Variants in FSTL5 observed in about 807,000 individuals in gnomAD.
FSTL5 encodes the protein follistatin-related protein 5.
A neutral mutation model predicts 89.1 loss-of-function variants in FSTL5; 62 were observed. That is an observed-to-expected ratio of 0.70 (90% CI 0.57 to 0.86). The LOEUF is 0.86. Among genes scored for constraint, FSTL5 ranks in the 40% least tolerant of loss-of-function variants. The pLI is 0.00. For synonymous variants in FSTL5, 383 were observed against 346.2 expected, an observed-to-expected ratio of 1.11 and a Z score of -1.18; for missense variants, 1,057 against 1,001.6, an observed-to-expected ratio of 1.06 and a Z score of -0.75.
intron 3 of FSTL5, among the ~76,000 whole-genome samples, chr4:161,957,703 T>G (rs1163621411): frequency 6.6e-6 from 1 of 152,104 alleles, no homozygotes; most frequent in Non-Finnish European, 1.5e-5. Flanking sequence ...TCATTCTTCT[T>G]TTTGTTTTAA....
chr4:161,476,173 G>GTTTTTT (rs1231231673), intron 13 of FSTL5, among the ~76,000 whole-genome samples: 1,606 of 80,374 alleles, frequency 0.02, 62 homozygotes, highest in African/African-American at 0.039. Context: ...AAGTTTGCTG[G>GTTTTTT]TTTTTTTTTT....
At chr4:161,891,754 A>G (rs1007980561) in intron 4 of FSTL5, among the ~76,000 whole-genome samples, 2 of 151,960 alleles carry the variant, frequency 1.3e-5, no homozygotes, top group Non-Finnish European at 2.9e-5. Flanking sequence ...TTGGAATCTC[A>G]TTATGTCCAA....
In FSTL5 at chr4:161,783,732, T is replaced by TTTTC. The variant is rs146247881; in HGVS notation, c.410-7662_410-7659dup. Reference sequence around the variant, plus strand: ...CTTTCTTTCTTTCTTTCTTCTTTTCTTTTCTTTCTTTCTTTCTTTCTTTCT... The same window carrying TTTTC: ...CTTTCTTTCTTTCTTTCTTCTTTTCTTTTCTTTCTTTCTTTCTTTCTTTCTTTCT... On this transcript the variant is annotated intron_variant, in intron 4 of 15. Transcript: ENST00000306100. Among the ~76,000 whole-genome samples, 14 of 14,550 alleles carry TTTTC rather than the reference T, an allele frequency of 9.6e-4. 3 individuals are homozygous for TTTTC. Among genetic ancestry groups the TTTTC allele is most frequent in the African/African-American group, 3.1e-3 (14 of 4,526 alleles). 9.5% of individuals were successfully genotyped at this position (14,550 alleles called of 152,430 possible). A position where few individuals can be genotyped will look rare whatever the true frequency, so the allele number is the denominator to read the frequency against.
intron 1 of FSTL5, among the ~76,000 whole-genome samples, chr4:162,162,213 T>C (rs1179277231): frequency 6.6e-6 from 1 of 152,138 alleles, no homozygotes; most frequent in Non-Finnish European, 1.5e-5. Flanking sequence ...AATCATAAAA[T>C]TCTAAAGCTA....
intron 4 of FSTL5, among the ~76,000 whole-genome samples, chr4:161,867,286 CTCTT>C (rs1278719362): frequency 2.0e-5 from 3 of 151,928 alleles, no homozygotes; most frequent in Admixed American, 2.0e-4. Context: ...ACTATATACT[CTCTT>C]AAAGTTAATG....
At chr4:161,787,873 G>T (rs1008787152) in intron 4 of FSTL5, among the ~76,000 whole-genome samples, 1 of 152,134 alleles carries the variant, frequency 6.6e-6, no homozygotes, top group African/African-American at 2.4e-5. Context: ...CTTGTACTAT[G>T]AATAGTTGCT....
chr4:162,116,247 T>C (rs1731632263), intron 1 of FSTL5, among the ~76,000 whole-genome samples: 1 of 152,176 alleles, frequency 6.6e-6, no homozygotes, highest in African/African-American at 2.4e-5. Context: ...CTGCAGCTAG[T>C]GCCTTAAGAG....
chr4:161,910,341 T>A lies in FSTL5; in HGVS notation c.409+10063A>T, dbSNP rs535617754. Among the ~76,000 whole-genome samples the A allele has an allele frequency of 7.1e-4, 108 of 152,270 alleles. 3 individuals are homozygous for A. In the South Asian group the frequency reaches 0.019, roughly 27 times the overall value. On this transcript the variant is annotated intron_variant, in intron 4 of 15. Transcript: ENST00000306100. The stretch of plus-strand genomic sequence containing the variant: ...CTTAACTATACAGTCCCTTGGCATT[T>A]TCTCTTTATTGTCATACTTATAGCT...
intron 15 of FSTL5, among the ~76,000 whole-genome samples, chr4:161,448,307 T>C (rs572162156): frequency 1.3e-5 from 2 of 152,290 alleles, no homozygotes; most frequent in East Asian, 3.9e-4. Context: ...CTAAATGCCA[T>C]GGAACAGCAG....
intron 1 of FSTL5, among the ~76,000 whole-genome samples, chr4:162,126,744 T>G (rs535565811): frequency 9.2e-5 from 14 of 152,364 alleles, no homozygotes; most frequent in Non-Finnish European, 1.6e-4. Context: ...TTGGGCATTA[T>G]GCATTTTTAA....
intron 3 of FSTL5, among the ~76,000 whole-genome samples, chr4:162,015,054 G>A (rs1736878374): frequency 6.6e-6 from 1 of 152,098 alleles, no homozygotes; most frequent in South Asian, 2.1e-4. Context: ...ATCAATGGCT[G>A]GATAAATTTA....
Position 162,072,222 on chromosome 4 carries a change from T to A in FSTL5, c.127-38564A>T, listed in dbSNP as rs555902931. Among the ~76,000 whole-genome samples, 336 of 151,950 alleles carry A rather than the reference T, an allele frequency of 2.2e-3. 2 individuals carry two copies. Among genetic ancestry groups the A allele is most frequent in the African/African-American group, 7.7e-3 (320 of 41,510 alleles). On this transcript the variant is annotated intron_variant, in intron 2 of 15. Coordinates refer to ENST00000306100, the MANE Select transcript of FSTL5 (RefSeq NM_020116.5). ...TAATACACAGTTAATAAGGAACATC[T>A]AATCAGAGTTCATAATTTTCCTTCA... is the stretch of plus-strand genomic sequence containing the variant.
intron 15 of FSTL5, among the ~76,000 whole-genome samples, chr4:161,389,664 C>T (rs1422504193): frequency 1.3e-5 from 2 of 152,056 alleles, no homozygotes; most frequent in African/African-American, 4.8e-5. Context: ...TCCTTGACTT[C>T]CACGAGTTCC....
chr4:162,036,496 A>T (rs1214130607), intron 2 of FSTL5, among the ~76,000 whole-genome samples: 3 of 152,062 alleles, frequency 2.0e-5, no homozygotes, highest in Non-Finnish European at 4.4e-5. Context: ...CACAGGACGT[A>T]TTTCAACCAG....
intron 3 of FSTL5, among the ~76,000 whole-genome samples, chr4:162,026,304 C>CTTTTTTTTTTTTCTTTTTTTTTTTT: frequency 1.3e-5 from 1 of 79,474 alleles, no homozygotes; most frequent in Non-Finnish European, 2.2e-5. Flanking sequence ...TATGTATTTT[C>CTTTTTTTTTTTTCTTTTTTTTTTTT]TTTTTTTTTT....
intron 4 of FSTL5, among the ~76,000 whole-genome samples, chr4:161,818,767 C>A (rs781689364): frequency 3.9e-5 from 6 of 152,092 alleles, no homozygotes; most frequent in Non-Finnish European, 1.5e-5. Flanking sequence ...TGGGAAACTT[C>A]CATACTGAAA....
chr4:161,781,978 T>C (rs1741685776), intron 4 of FSTL5, among the ~76,000 whole-genome samples: 1 of 152,204 alleles, frequency 6.6e-6, no homozygotes. Context: ...AGAATGATAG[T>C]TGGAATCATA....
At position 161,546,939 on chromosome 4, in the gene FSTL5, G is replaced by A. The variant is rs954584934; in HGVS notation, c.1016-4246C>T. Among the ~76,000 whole-genome samples the A allele has an allele frequency of 3.9e-5, 6 of 152,044 alleles. No homozygotes were observed. The South Asian group carries it at 8.3e-4, about 21-fold the overall frequency. ...GGACCTGTGGGCTGGATTTAATGAC[G>A]TGCTGTTAATGAACAGAGCTGTGGC... On this transcript the variant is annotated intron_variant, in intron 8 of 15. Transcript: ENST00000306100.
chr4:162,036,595 G>A (rs1449084019), intron 2 of FSTL5, among the ~76,000 whole-genome samples: 1 of 151,824 alleles, frequency 6.6e-6, no homozygotes, highest in Non-Finnish European at 1.5e-5. Flanking sequence ...CTATAACTGA[G>A]TATTGCAAAA....
Sources: gnomAD v4.1 joint callset for allele counts (sites outside exome capture counted in the v4.1 genomes callset) on GRCh38, gnomAD v4.1.1 for gene constraint, MANE v1.5 for transcripts, NCBI Gene and HGNC (gene_info 2026-07-23, HGNC 2026-07-21) for gene names.